The following NETO1 variants were observed in gnomAD, a reference collection of about 807,000 sequenced individuals.
NETO1 encodes neuropilin and tolloid-like protein 1.
In NETO1, 26 loss-of-function variants were observed where a neutral mutation model predicts 61.3. The ratio of observed to expected loss-of-function variants is 0.42; its 90% CI spans 0.31 to 0.59. The LOEUF is 0.59. Among genes scored for constraint, NETO1 ranks in the 20% least tolerant of loss-of-function variants. The pLI is 0.12. For synonymous variants in NETO1, 225 were observed against 225.8 expected (o/e 1.00, Z 0.03); for missense variants, 531 against 662.8 (o/e 0.80, Z 2.18).
intron 4 of NETO1, among the ~76,000 whole-genome samples, chr18:72,836,053 A>G (rs920815388): frequency 6.6e-6 from 1 of 152,214 alleles, no homozygotes; most frequent in Non-Finnish European, 1.5e-5. Context: ...AGTAGTATTC[A>G]GGGAAAATTC....
At chr18:72,856,624 C>A (rs1447832097) in intron 4 of NETO1, among the ~76,000 whole-genome samples, 1 of 152,178 alleles carries the variant, frequency 6.6e-6, no homozygotes, top group East Asian at 1.9e-4. Flanking sequence ...GGACCGTGTT[C>A]AAAATTTACG....
At chr18:72,842,420 G>A (rs1470754904) in intron 4 of NETO1, among the ~76,000 whole-genome samples, 7 of 152,088 alleles carry the variant, frequency 4.6e-5, no homozygotes, top group Admixed American at 1.3e-4. Flanking sequence ...CTAATATGGC[G>A]ATGGTGATGA....
intron 4 of NETO1, among the ~76,000 whole-genome samples, chr18:72,856,086 T>C (rs143990637): frequency 6.6e-6 from 1 of 152,326 alleles, no homozygotes; most frequent in East Asian, 1.9e-4. Context: ...TCCTGTTAGC[T>C]TGGCAAATGT....
chr18:72,784,293 C>T (rs2145232374), intron 6 of NETO1, among the ~76,000 whole-genome samples: 1 of 152,020 alleles, frequency 6.6e-6, no homozygotes, highest in East Asian at 1.9e-4. Context: ...CTTTTACTTC[C>T]AAAAATGTAC....
intron 6 of NETO1, among the ~76,000 whole-genome samples, chr18:72,793,329 A>G (rs180785101): frequency 5.9e-5 from 9 of 152,360 alleles, no homozygotes; most frequent in African/African-American, 2.2e-4. Flanking sequence ...CTGCTGGCAC[A>G]AAATGACTCA....
At chr18:72,772,238 C>T (rs1029289088) in intron 7 of NETO1, among the ~76,000 whole-genome samples, 7 of 152,146 alleles carry the variant, frequency 4.6e-5, no homozygotes, top group Non-Finnish European at 7.4e-5. Context: ...TTTCTTTCAT[C>T]TCTAACCATT....
intron 9 of NETO1, among the ~76,000 whole-genome samples, 172 bp from the exon 10 acceptor site, chr18:72,749,260 T>C (rs942076302): frequency 6.6e-6 from 1 of 152,150 alleles, no homozygotes; most frequent in Non-Finnish European, 1.5e-5. Context: ...GAGAATGTAA[T>C]GAATGGAGAA....
chr18:72,771,807 C>T (rs750355193), intron 7 of NETO1, among the ~76,000 whole-genome samples: 1 of 152,132 alleles, frequency 6.6e-6, no homozygotes, highest in African/African-American at 2.4e-5. Context: ...AAACCCACAT[C>T]ATTGCAATAG....
chr18:72,750,013 T>C, intron 9 of NETO1, 49 bp downstream of exon 9: 1 of 1,317,372 alleles, frequency 7.6e-7, no homozygotes, highest in Non-Finnish European at 1.0e-6. Flanking sequence ...TCTGGAAGTA[T>C]TTCAGTCTTC....
intron 4 of NETO1, among the ~76,000 whole-genome samples, chr18:72,815,663 G>A (rs989491112): frequency 8.5e-5 from 13 of 152,184 alleles, no homozygotes; most frequent in African/African-American, 2.9e-4. Flanking sequence ...CGAGTTTCAC[G>A]TGTATGTGGA....
chr18:72,841,386 GAGAAA>G (rs1450962080), intron 4 of NETO1, among the ~76,000 whole-genome samples: 1 of 144,010 alleles, frequency 6.9e-6, no homozygotes, highest in African/African-American at 2.6e-5. Flanking sequence ...TTTAATCCTT[GAGAAA>G]TTGGATCAAG....
chr18:72,857,727 T>A (rs1235530652), intron 4 of NETO1, among the ~76,000 whole-genome samples: 1 of 152,176 alleles, frequency 6.6e-6, no homozygotes, highest in Non-Finnish European at 1.5e-5. Flanking sequence ...GAAATACCCA[T>A]GATTTCTGTG....
chr18:72,757,169 G>A (rs1015000353), intron 7 of NETO1, among the ~76,000 whole-genome samples: 7 of 151,916 alleles, frequency 4.6e-5, no homozygotes, highest in Non-Finnish European at 1.0e-4. Context: ...TGAAACATAT[G>A]AATTTCCAAT....
intron 4 of NETO1, among the ~76,000 whole-genome samples, chr18:72,856,284 C>T (rs1183230642): frequency 6.6e-6 from 1 of 152,042 alleles, no homozygotes; most frequent in African/African-American, 2.4e-5. Flanking sequence ...AACTCCTACT[C>T]GGAAGTCTGG....
At chr18:72,794,722 T>C (rs772723720) in intron 4 of NETO1, among the ~76,000 whole-genome samples, 2 of 152,186 alleles carry the variant, frequency 1.3e-5, no homozygotes, top group Non-Finnish European at 2.9e-5. Flanking sequence ...GGTAGAATAA[T>C]TAAATTAGTC....
At chr18:72,827,725 A>AG (rs960302111) in intron 4 of NETO1, among the ~76,000 whole-genome samples, 3 of 151,662 alleles carry the variant, frequency 2.0e-5, no homozygotes, top group African/African-American at 7.3e-5. Flanking sequence ...TCAAAAAAAA[A>AG]AAAAAAAAAA....
At chr18:72,811,249 G>C (rs371647462) in intron 4 of NETO1, among the ~76,000 whole-genome samples, 2 of 152,140 alleles carry the variant, frequency 1.3e-5, no homozygotes, top group African/African-American at 4.8e-5. Context: ...GGCACCACCT[G>C]TTCTGTAACG....
At chr18:72,858,061 A>G (rs1250519443) in intron 4 of NETO1, among the ~76,000 whole-genome samples, 2 of 152,118 alleles carry the variant, frequency 1.3e-5, no homozygotes, top group Admixed American at 1.3e-4. Context: ...AAACTATATA[A>G]AAAATGGGCT....
intron 4 of NETO1, among the ~76,000 whole-genome samples, chr18:72,824,621 T>C (rs963785674): frequency 6.6e-6 from 1 of 151,896 alleles, no homozygotes; most frequent in East Asian, 1.9e-4. Flanking sequence ...TTCCAACACT[T>C]TGGGAGGCCG....
Sources: allele counts gnomAD v4.1 joint callset (sites outside exome capture counted in the v4.1 genomes callset), GRCh38; gene constraint gnomAD v4.1.1; transcripts MANE v1.5; gene names NCBI Gene and HGNC (gene_info 2026-07-23, HGNC 2026-07-21).